Variants in MIDEAS observed in about 807,000 individuals in gnomAD.
MIDEAS encodes mitotic deacetylase-associated SANT domain protein.
MIDEAS carries 26 observed loss-of-function variants against 102.7 expected under a neutral mutation model. The observed-to-expected ratio is 0.25, with a 90% CI of 0.19 to 0.35. The LOEUF is 0.35. Ranked by LOEUF, MIDEAS falls within the 10% of genes least tolerant of loss-of-function variation. MIDEAS has a pLI of 1.00. For missense variants in MIDEAS, 1,231 were observed against 1,435.6 expected (o/e 0.86, Z 2.30); for synonymous variants, 585 against 591.0 (o/e 0.99, Z 0.15).
intron 3 of MIDEAS, among the ~76,000 whole-genome samples, chr14:73,733,403 C>T (rs2053162982): frequency 2.0e-5 from 3 of 152,094 alleles, no homozygotes; most frequent in Admixed American, 1.3e-4. Context: ...GCCAGGCCAA[C>T]ATGGTGAAAC....
At chr14:73,730,033 A>C in intron 3 of MIDEAS, 48 bp from the exon 4 acceptor site, 1 of 1,578,362 alleles carries the variant, frequency 6.3e-7, no homozygotes, top group South Asian at 1.1e-5. Flanking sequence ...CGTGTCCCAG[A>C]GAAAGTAAAG....
chr14:73,749,782 A>G (rs1017175890), intron 1 of MIDEAS, among the ~76,000 whole-genome samples: 6 of 152,090 alleles, frequency 3.9e-5, no homozygotes, highest in African/African-American at 1.4e-4. Context: ...CGAAGGTTAA[A>G]AGTAACTTGC....
intron 5 of MIDEAS, 30 bp downstream of exon 5, chr14:73,727,428 C>A (rs747056839): frequency 2.9e-5 from 46 of 1,612,852 alleles, no homozygotes; most frequent in Non-Finnish European, 3.8e-5. Flanking sequence ...GCCACCCACA[C>A]CCCTCGGCCA....
At chr14:73,755,986 G>T (rs1184994965) in intron 1 of MIDEAS, among the ~76,000 whole-genome samples, 1 of 152,118 alleles carries the variant, frequency 6.6e-6, no homozygotes, top group Non-Finnish European at 1.5e-5. Flanking sequence ...ACATTTTACA[G>T]GTGAGGCAAC....
intron 10 of MIDEAS, among the ~76,000 whole-genome samples, chr14:73,721,826 G>A (rs1476608401): frequency 6.6e-6 from 1 of 152,144 alleles, no homozygotes; most frequent in Admixed American, 6.5e-5. Flanking sequence ...GGTGAGCCAG[G>A]CAGAAGCCTT....
At position 73,718,819 on chromosome 14, in the gene MIDEAS, ACTGGGCCAGC is replaced by A; in HGVS notation, c.*14_*23del. On this transcript the variant is annotated 3_prime_UTR_variant, in exon 13 of 13. Coordinates refer to ENST00000423556, the MANE Select transcript of MIDEAS (RefSeq NM_001367710.1). Reference sequence around the variant, plus strand: ...GGTGCGGGAAGGGCCGAGGCCCAGGACTGGGCCAGCCTGGCTCCCGCGCTCAGCCCTTGTC... The same window carrying A: ...GGTGCGGGAAGGGCCGAGGCCCAGGACTGGCTCCCGCGCTCAGCCCTTGTC... The A allele has an allele frequency of 7.1e-7, 1 of 1,408,036 alleles. No homozygotes were observed. Among genetic ancestry groups the A allele is most frequent in the Admixed American group, 3.3e-5 (1 of 30,358 alleles). 87.2% of individuals were successfully genotyped at this position (1,408,036 alleles called of 1,614,324 possible). A position where few individuals can be genotyped will look rare whatever the true frequency, so the allele number is the denominator to read the frequency against.
intron 1 of MIDEAS, among the ~76,000 whole-genome samples, chr14:73,773,326 A>G (rs1173430886): frequency 6.6e-6 from 1 of 151,858 alleles, no homozygotes; most frequent in East Asian, 1.9e-4. Context: ...TGTTGGAGGT[A>G]ATACAATTGA....
intron 1 of MIDEAS, among the ~76,000 whole-genome samples, chr14:73,768,563 C>T (rs2053611952): frequency 6.9e-6 from 1 of 145,902 alleles, no homozygotes; most frequent in Non-Finnish European, 1.5e-5. Flanking sequence ...TTGCTCACTA[C>T]AACTTCCACC....
At chr14:73,755,126 G>A (rs970847758) in intron 1 of MIDEAS, 4 of 152,280 alleles carry the variant, frequency 2.6e-5, no homozygotes, top group Non-Finnish European at 5.9e-5. Flanking sequence ...AGCTCCCTGC[G>A]GCTGGGAGAA....
intron 1 of MIDEAS, chr14:73,787,005 A>G (rs1558176): frequency 0.34 from 51,735 of 150,922 alleles, 9,767 homozygotes; most frequent in East Asian, 0.67. Context: ...CCGGCCCGCC[A>G]CATCCGCGCC....
chr14:73,777,594 G>A (rs2053703256), intron 1 of MIDEAS, among the ~76,000 whole-genome samples: 1 of 151,938 alleles, frequency 6.6e-6, no homozygotes, highest in Admixed American at 6.6e-5. Flanking sequence ...TGTGCCTCCA[G>A]GCCTTGTCTG....
chr14:73,775,151 T>C (rs377707477), intron 1 of MIDEAS, among the ~76,000 whole-genome samples: 52 of 151,720 alleles, frequency 3.4e-4, no homozygotes, highest in Admixed American at 1.4e-3. Flanking sequence ...GCGAGAGAAG[T>C]GCGTCCAGGA....
Position 73,725,432 on chromosome 14 carries a change from C to CA in MIDEAS, c.2486-73dup, listed in dbSNP as rs1411561461. On this transcript the variant is annotated intron_variant, in intron 8 of 12. Coordinates refer to ENST00000423556, the MANE Select transcript of MIDEAS (RefSeq NM_001367710.1). This position sits in a 1 kb window ranked among gnomAD's most constrained non-coding sequence, Gnocchi z 4.1. ...GCCACTGCAGGGCAATTTTGACAAG[C>CA]AAAAAAGTGTGAGGCCATCCGCCCA... is the stretch of plus-strand genomic sequence containing the variant. 1.5e-6 allele frequency: 2 copies of CA among 1,304,332 alleles called. No homozygotes were observed. The highest frequency in any genetic ancestry group is 2.3e-5 in the East Asian group (1 of 43,146). The allele number at this position is 1,304,332 out of a possible 1,614,324, so 80.8% of individuals were successfully genotyped here.
At chr14:73,745,008 C>T (rs1051714161) in intron 1 of MIDEAS, among the ~76,000 whole-genome samples, 4 of 152,188 alleles carry the variant, frequency 2.6e-5, no homozygotes, top group Admixed American at 1.3e-4. Context: ...TACCTTGGCA[C>T]TTGGTTTGTA....
chr14:73,733,079 C>T (rs904166815), intron 3 of MIDEAS, among the ~76,000 whole-genome samples: 4 of 151,308 alleles, frequency 2.6e-5, no homozygotes, highest in South Asian at 4.2e-4. Flanking sequence ...GCCACAAGGG[C>T]GAAACCCCGT....
At chr14:73,786,612 G>C (rs2053811924) in intron 1 of MIDEAS, among the ~76,000 whole-genome samples, 1 of 152,318 alleles carries the variant, frequency 6.6e-6, no homozygotes, top group Non-Finnish European at 1.5e-5. Flanking sequence ...AAACTTCCGA[G>C]CTACTCTGCT....
chr14:73,790,204 T>G (rs1031645843), upstream of MIDEAS: 1 of 152,234 alleles, frequency 6.6e-6, no homozygotes, highest in African/African-American at 2.4e-5. Flanking sequence ...GAACAAATTA[T>G]TTACTTTTAA....
At chr14:73,787,896 TAG>T (rs146806755), upstream of MIDEAS, among the ~76,000 whole-genome samples, 3,772 of 152,234 alleles carry the variant, frequency 0.025, 61 homozygotes, top group South Asian at 0.054. Flanking sequence ...TCACAGAAAA[TAG>T]AGTCTGATGC....
chr14:73,743,906 A>G (rs573152352), intron 1 of MIDEAS, among the ~76,000 whole-genome samples: 1 of 152,216 alleles, frequency 6.6e-6, no homozygotes, highest in South Asian at 2.1e-4. Flanking sequence ...TCCTCTCTGC[A>G]GCAACCAATC....
Sources: allele counts gnomAD v4.1 joint callset (sites outside exome capture counted in the v4.1 genomes callset), GRCh38; gene constraint gnomAD v4.1.1; non-coding constraint Gnocchi (gnomAD v3.1); transcripts MANE v1.5; gene names NCBI Gene and HGNC (gene_info 2026-07-23, HGNC 2026-07-21).